PHF24: variants seen among roughly 807,000 people sequenced by gnomAD.
PHF24 encodes the protein Galpha inhibitory interacting protein.
In PHF24, 25 loss-of-function variants were observed where a neutral mutation model predicts 42.6. The ratio of observed to expected loss-of-function variants is 0.59; its 90% CI spans 0.43 to 0.82. The LOEUF is 0.82. PHF24 is among the 40% of genes least tolerant of loss of function. PHF24 has a pLI of 0.00. For missense variants in PHF24, 470 were observed against 538.1 expected, an observed-to-expected ratio of 0.87 and a Z score of 1.25; for synonymous variants, 185 against 204.8, an observed-to-expected ratio of 0.90 and a Z score of 0.83.
At chr9:34,851,766 C>T in the PHF24 span, among the ~76,000 whole-genome samples, 1 of 152,136 alleles carries the variant, frequency 6.6e-6, no homozygotes, top group African/African-American at 2.4e-5. Flanking sequence ...ACCTAATTGT[C>T]GATCACAAGT....
At chr9:34,740,213 G>A in the PHF24 span, among the ~76,000 whole-genome samples, 1 of 152,252 alleles carries the variant, frequency 6.6e-6, no homozygotes. Flanking sequence ...GGAGCTGTCT[G>A]CCAGTCCCCG....
At chr9:34,917,121 C>A in the PHF24 span, 1 of 833,558 alleles carries the variant, frequency 1.2e-6, no homozygotes, top group Non-Finnish European at 2.1e-6. Context: ...TCACCTCGCT[C>A]TCGCGGCCTA....
chr9:34,714,933 T>A, the PHF24 span, among the ~76,000 whole-genome samples: 30 of 152,106 alleles, frequency 2.0e-4, no homozygotes. Context: ...CTAGGTCCCA[T>A]CTCTGCCTGG....
chr9:34,735,046 G>C, the PHF24 span, among the ~76,000 whole-genome samples: 1 of 151,806 alleles, frequency 6.6e-6, no homozygotes, highest in Non-Finnish European at 1.5e-5. Flanking sequence ...TAAAGTCCTA[G>C]CAGAAGGAAA....
the PHF24 span, among the ~76,000 whole-genome samples, chr9:34,840,417 T>TCTC: frequency 1.3e-4 from 20 of 151,594 alleles, no homozygotes; most frequent in Admixed American, 9.2e-4. Flanking sequence ...TTTCCCTCCT[T>TCTC]CTCCTCCTCC....
chr9:34,952,461 C>T, the PHF24 span, among the ~76,000 whole-genome samples: 1 of 152,138 alleles, frequency 6.6e-6, no homozygotes, highest in Admixed American at 6.5e-5. Flanking sequence ...AAAGATTTAG[C>T]GCAGTGCCAA....
the PHF24 span, among the ~76,000 whole-genome samples, chr9:34,766,568 T>G: frequency 6.6e-6 from 1 of 152,226 alleles, no homozygotes; most frequent in Admixed American, 6.5e-5. Context: ...CTTTAAGCAC[T>G]TCTCTGTATT....
the PHF24 span, among the ~76,000 whole-genome samples, chr9:34,735,338 T>C: frequency 6.7e-6 from 1 of 150,318 alleles, no homozygotes; most frequent in African/African-American, 2.5e-5. Flanking sequence ...GGTTTCACCA[T>C]ATTGGCCAGG....
At chr9:34,839,199 T>G in the PHF24 span, among the ~76,000 whole-genome samples, 1 of 152,148 alleles carries the variant, frequency 6.6e-6, no homozygotes, top group African/African-American at 2.4e-5. Flanking sequence ...CAAATCATGG[T>G]TTTCTAGAGC....
chr9:34,922,935 A>T, the PHF24 span: 96 of 1,447,504 alleles, frequency 6.6e-5, no homozygotes, highest in Non-Finnish European at 8.9e-5. Context: ...TGGATGTTCC[A>T]GCAGTGGTCT....
At chr9:34,794,195 A>G in the PHF24 span, among the ~76,000 whole-genome samples, 5 of 152,172 alleles carry the variant, frequency 3.3e-5, no homozygotes. Flanking sequence ...CCCAAATCCC[A>G]TACTGAGCAC....
At chr9:34,937,899 C>CA in the PHF24 span, among the ~76,000 whole-genome samples, 3 of 152,170 alleles carry the variant, frequency 2.0e-5, no homozygotes, top group Non-Finnish European at 4.4e-5. Flanking sequence ...ACTAATATCT[C>CA]AATCAGATAT....
At chr9:34,770,066 C>T in the PHF24 span, among the ~76,000 whole-genome samples, 40 of 152,190 alleles carry the variant, frequency 2.6e-4, no homozygotes, top group African/African-American at 8.9e-4. Flanking sequence ...ATTTATTCTA[C>T]TACATAGAAT....
the PHF24 span, among the ~76,000 whole-genome samples, chr9:34,771,177 T>C: frequency 5.9e-5 from 9 of 152,362 alleles, 1 homozygote; most frequent in South Asian, 8.3e-4. Flanking sequence ...GTGACGAGGA[T>C]ACATTCTGAC....
chr9:34,828,111 C>G, the PHF24 span, among the ~76,000 whole-genome samples: 1,243 of 152,152 alleles, frequency 8.2e-3, 13 homozygotes, highest in Middle Eastern at 0.037. Flanking sequence ...AGCTTTGCCT[C>G]TGCATACCAT....
intron 6 of PHF24, 149 bp from the exon 7 acceptor site, chr9:34,977,397 G>A: frequency 8.4e-7 from 1 of 1,187,704 alleles, no homozygotes. Context: ...ACGGGCCAGG[G>A]CATAGGACAG....
the PHF24 span, among the ~76,000 whole-genome samples, chr9:34,735,616 T>C: frequency 1.3e-5 from 2 of 151,046 alleles, no homozygotes; most frequent in African/African-American, 4.9e-5. Flanking sequence ...CTGGCCAATA[T>C]GGTGAAACCC....
chr9:34,866,856 C>T, the PHF24 span, among the ~76,000 whole-genome samples: 5 of 152,142 alleles, frequency 3.3e-5, no homozygotes, highest in African/African-American at 1.2e-4. Context: ...AACTGTCCCT[C>T]CATTCACCAT....
the PHF24 span, among the ~76,000 whole-genome samples, chr9:34,854,196 A>ATTT: frequency 0.047 from 5,001 of 106,450 alleles, 180 homozygotes; most frequent in South Asian, 0.092. Context: ...CAGTCTATCT[A>ATTT]TTTTTTTTTT....
Sources: gnomAD v4.1 joint callset for allele counts (sites outside exome capture counted in the v4.1 genomes callset) on GRCh38, gnomAD v4.1.1 for gene constraint, MANE v1.5 for transcripts, NCBI Gene and HGNC (gene_info 2026-07-23, HGNC 2026-07-21) for gene names.